The following GATAD2A variants were observed in gnomAD, a reference collection of about 807,000 sequenced individuals.
GATAD2A encodes the protein GATA zinc finger domain containing 2A.
A neutral mutation model predicts 68.5 loss-of-function variants in GATAD2A; 12 were observed. The ratio of observed to expected loss-of-function variants is 0.18; its 90% CI spans 0.11 to 0.28. The LOEUF (loss-of-function observed/expected upper bound fraction) is 0.28. GATAD2A is among the 10% of genes least tolerant of loss of function. The pLI, the probability that GATAD2A is intolerant of heterozygous loss-of-function variation, is 1.00. For missense variants in GATAD2A, 755 were observed against 868.5 expected, an observed-to-expected ratio of 0.87 and a Z score of 1.64; for synonymous variants, 410 against 375.3, an observed-to-expected ratio of 1.09 and a Z score of -1.07.
intron 1 of GATAD2A, among the ~76,000 whole-genome samples, chr19:19,414,783 C>T (rs1415570353): frequency 1.3e-5 from 2 of 150,128 alleles, no homozygotes; most frequent in African/African-American, 2.5e-5. Flanking sequence ...GATTTGCCCA[C>T]CTTGGCCTCC....
chr19:19,499,565 A>C lies in GATAD2A; in HGVS notation c.1204+843A>C, dbSNP rs547148251. On this transcript the variant is annotated intron_variant, in intron 8 of 11. Transcript: ENST00000683918. ...GCCCAGGATACAGAGGGAGGAGGGC[A>C]TGGGGGCCAGGTCGAGCTGTGCCCC... Among the ~76,000 whole-genome samples, 30 of 152,252 alleles carry C rather than the reference A, an allele frequency of 2.0e-4. No individual in the cohort carries two copies. In the South Asian group the frequency reaches 6.2e-3, roughly 32 times the overall value.
intron 1 of GATAD2A, among the ~76,000 whole-genome samples, chr19:19,422,258 G>T (rs1482508999): frequency 6.6e-6 from 1 of 152,170 alleles, no homozygotes; most frequent in Non-Finnish European, 1.5e-5. Flanking sequence ...ATATTTCAAG[G>T]CTCTGGGATT....
chr19:19,489,580 C>T (rs1404493442), intron 2 of GATAD2A, among the ~76,000 whole-genome samples: 2 of 152,232 alleles, frequency 1.3e-5, no homozygotes, highest in Non-Finnish European at 2.9e-5. Context: ...AAGATGGGGC[C>T]AGGGAGCGCT....
intron 1 of GATAD2A, among the ~76,000 whole-genome samples, chr19:19,458,253 C>T (rs1479183496): frequency 1.3e-5 from 2 of 152,224 alleles, no homozygotes; most frequent in Non-Finnish European, 2.9e-5. Context: ...CCCTGCTCAG[C>T]TGCTTGGCGC....
chr19:19,391,066 A>T (rs995556748), intron 1 of GATAD2A, among the ~76,000 whole-genome samples: 1 of 152,176 alleles, frequency 6.6e-6, no homozygotes, highest in Non-Finnish European at 1.5e-5. Context: ...AGTGGACAGG[A>T]CATTTTACAA....
rs540958459 is a variant in GATAD2A at position 19,483,781 on chromosome 19, A to AT, written c.270-8505dup. On this transcript the variant is annotated intron_variant, in intron 2 of 11. Coordinates refer to ENST00000683918, the MANE Select transcript of GATAD2A (RefSeq NM_001384528.1). ...AGGTGCCCGCCACCATACCCGGCTA[A>AT]TTTTTTTTTTTTTTTTTTTTGTATT... is the stretch of plus-strand genomic sequence containing the variant. Among the ~76,000 whole-genome samples, 735 of 129,978 alleles carry AT rather than the reference A, an allele frequency of 5.7e-3. 1 individual carries two copies. Among genetic ancestry groups the AT allele is most frequent in the Non-Finnish European group, 5.8e-3 (357 of 62,028 alleles). The allele number at this position is 129,978 out of a possible 152,430, so 85.3% of individuals were successfully genotyped here.
intron 1 of GATAD2A, among the ~76,000 whole-genome samples, chr19:19,463,226 C>A (rs1156841937): frequency 1.3e-5 from 2 of 152,094 alleles, no homozygotes; most frequent in African/African-American, 4.8e-5. Flanking sequence ...CCCACCCCTC[C>A]CACAGTGAGG....
chr19:19,441,157 T>C lies in GATAD2A; in HGVS notation c.-6-24183T>C, dbSNP rs149700951. Among the ~76,000 whole-genome samples the C allele has an allele frequency of 5.3e-3, 797 of 151,668 alleles. 6 individuals carry two copies. Among genetic ancestry groups the C allele is most frequent in the South Asian group, 0.041 (198 of 4,782 alleles). On this transcript the variant is annotated intron_variant, in intron 1 of 11. Transcript: ENST00000683918. ...TTCACGTTTCAAGTGATTCTCCTGC[T>C]TCAGCCTCCCGAGTAGTTGGGATTA...
intron 2 of GATAD2A, among the ~76,000 whole-genome samples, chr19:19,483,396 A>G (rs1340631618): frequency 6.6e-6 from 1 of 152,186 alleles, no homozygotes; most frequent in Non-Finnish European, 1.5e-5. Flanking sequence ...GAGAAGCAGA[A>G]TGTGTTCTGT....
chr19:19,449,443 G>A (rs1282870208), intron 1 of GATAD2A, among the ~76,000 whole-genome samples: 1 of 152,070 alleles, frequency 6.6e-6, no homozygotes, highest in African/African-American at 2.4e-5. Flanking sequence ...TCCTGCTTTG[G>A]CCTCCCTAGT....
chr19:19,492,659 T>C lies in GATAD2A; in HGVS notation c.481T>C (p.Leu161=), dbSNP rs746384246. The change falls in exon 4 of 12, where the codon TTG becomes CTG. Residue 161 remains leucine, a synonymous_variant. Coordinates refer to ENST00000683918, the MANE Select transcript of GATAD2A (RefSeq NM_001384528.1). ...ELRLEEAKLV[L]LKKLRQSQIQ... is the part of the protein sequence containing the mutation. ...GAGGTTAGAAGAAGCAAAACTCGTG[T>C]TGTTGAAAAAGTTGCGGCAGAGTCA... The C allele has an allele frequency of 6.2e-7, 1 of 1,614,172 alleles. No homozygotes were observed. Among genetic ancestry groups the C allele is most frequent in the Admixed American group, 1.7e-5 (1 of 60,018 alleles).
chr19:19,465,273 A>C (rs1294312885), intron 1 of GATAD2A, 67 bp from the exon 2 acceptor site: 6 of 1,205,328 alleles, frequency 5.0e-6, no homozygotes, highest in Non-Finnish European at 7.4e-6. Flanking sequence ...AACACTGAAA[A>C]GTCTCCAAGA....
intron 2 of GATAD2A, among the ~76,000 whole-genome samples, chr19:19,489,192 T>TC (rs2059626832): frequency 6.6e-6 from 1 of 152,184 alleles, no homozygotes; most frequent in Non-Finnish European, 1.5e-5. Flanking sequence ...GTGCGGTGTA[T>TC]GTAGAGGTGA....
At chr19:19,454,028 G>A (rs528073041) in intron 1 of GATAD2A, among the ~76,000 whole-genome samples, 5 of 140,168 alleles carry the variant, frequency 3.6e-5, no homozygotes, top group South Asian at 2.3e-4. Flanking sequence ...ACAGAGTTTC[G>A]TTCTTGTTGC....
upstream of GATAD2A, among the ~76,000 whole-genome samples, chr19:19,403,092 CT>C (rs35455954): frequency 0.43 from 65,108 of 151,614 alleles, 15,273 homozygotes; most frequent in African/African-American, 0.62. Flanking sequence ...TATTGACTGT[CT>C]TTGTTTTCAG....
chr19:19,435,358 G>A (rs1394611269), intron 1 of GATAD2A, among the ~76,000 whole-genome samples: 1 of 151,964 alleles, frequency 6.6e-6, no homozygotes, highest in Non-Finnish European at 1.5e-5. Context: ...CAAGTAGATG[G>A]GACCACAGGC....
At position 19,484,532 on chromosome 19, in the gene GATAD2A, CTT is replaced by C. The variant is rs897099165; in HGVS notation, c.270-7757_270-7756del. 5.9e-3 allele frequency among the ~76,000 whole-genome samples: 514 copies of C among 86,944 alleles called. 1 individual carries two copies. Among genetic ancestry groups the C allele is most frequent in the South Asian group, 0.045 (114 of 2,518 alleles). 57.0% of individuals were successfully genotyped at this position (86,944 alleles called of 152,430 possible). ...TTTTTCTTTTTCTTTTTTTTTTTTT[CTT>C]TTTTTTTTTTTTTTTTGAGACGGAG... On this transcript the variant is annotated intron_variant, in intron 2 of 11. Transcript: ENST00000683918.
At chr19:19,494,214 C>T in intron 4 of GATAD2A, 80 bp from the exon 5 acceptor site, 2 of 725,300 alleles carry the variant, frequency 2.8e-6, no homozygotes, top group Non-Finnish European at 4.8e-6. Context: ...TCTTCGGCAG[C>T]ATTAAATCTT....
chr19:19,458,055 A>G (rs1167932082), intron 1 of GATAD2A, among the ~76,000 whole-genome samples: 1 of 152,192 alleles, frequency 6.6e-6, no homozygotes, highest in African/African-American at 2.4e-5. Context: ...CCAGCTGACT[A>G]GGCTGGGGTC....
Sources: allele counts gnomAD v4.1 joint callset (sites outside exome capture counted in the v4.1 genomes callset), GRCh38; gene constraint gnomAD v4.1.1; transcripts MANE v1.5; gene names NCBI Gene and HGNC (gene_info 2026-07-23, HGNC 2026-07-21).